The following VTI1A variants were observed in gnomAD, a reference collection of about 807,000 sequenced individuals.
The protein encoded by VTI1A is vesicle transport through interaction with t-SNAREs homolog 1A.
A neutral mutation model predicts 34.9 loss-of-function variants in VTI1A; 22 were observed. The ratio of observed to expected loss-of-function variants is 0.63; its 90% CI spans 0.45 to 0.90. The LOEUF (loss-of-function observed/expected upper bound fraction) is 0.90, where lower values mean the gene tolerates loss of function less well. Ranked by LOEUF, VTI1A falls within the 40% of genes least tolerant of loss-of-function variation. The pLI, the probability that VTI1A is intolerant of heterozygous loss-of-function variation, is 0.00. For synonymous variants in VTI1A, 87 were observed against 97.3 expected, an observed-to-expected ratio of 0.89 and a Z score of 0.62; for missense variants, 268 against 275.6, an observed-to-expected ratio of 0.97 and a Z score of 0.20.
chr10:112,708,714 C>T (rs1313971231), intron 7 of VTI1A, among the ~76,000 whole-genome samples: 2 of 152,212 alleles, frequency 1.3e-5, no homozygotes, highest in African/African-American at 4.8e-5. Context: ...AATATTTCAC[C>T]ATTCAGCAGT....
At chr10:112,792,585 C>T (rs1272311760) in intron 7 of VTI1A, among the ~76,000 whole-genome samples, 1 of 152,118 alleles carries the variant, frequency 6.6e-6, no homozygotes, top group East Asian at 1.9e-4. Context: ...AGTGATTCTC[C>T]TTTATGAAAA....
At chr10:112,753,387 T>G (rs985861166) in intron 7 of VTI1A, among the ~76,000 whole-genome samples, 9 of 152,062 alleles carry the variant, frequency 5.9e-5, no homozygotes, top group African/African-American at 1.9e-4. Context: ...TTATTTTTTG[T>G]TTTTTTCCCA....
chr10:112,533,544 T>C (rs1427463588), intron 4 of VTI1A: 7 of 1,012,788 alleles, frequency 6.9e-6, no homozygotes, highest in Non-Finnish European at 8.3e-6. Flanking sequence ...TAAAATTACG[T>C]GAAGAGGTGA....
intron 7 of VTI1A, among the ~76,000 whole-genome samples, chr10:112,754,393 A>G (rs925685371): frequency 2.0e-5 from 3 of 152,196 alleles, no homozygotes; most frequent in African/African-American, 4.8e-5. Context: ...TGTAGAATCC[A>G]GGAATGTGCC....
intron 3 of VTI1A, among the ~76,000 whole-genome samples, chr10:112,466,768 G>T (rs183278476): frequency 6.6e-6 from 1 of 152,108 alleles, no homozygotes; most frequent in Non-Finnish European, 1.5e-5. Flanking sequence ...CTAGGGCTGT[G>T]ACAACAAAGT....
chr10:112,745,706 G>A (rs7918405), intron 7 of VTI1A, among the ~76,000 whole-genome samples: 60,245 of 152,108 alleles, frequency 0.4, 15,418 homozygotes, highest in African/African-American at 0.73. Context: ...TAGAAAGTCA[G>A]TCGTCCTAAC....
chr10:112,462,683 T>A (rs2134046855), intron 2 of VTI1A, among the ~76,000 whole-genome samples: 1 of 152,288 alleles, frequency 6.6e-6, no homozygotes, highest in East Asian at 1.9e-4. Context: ...TATAATAAAT[T>A]GAAGCCTATT....
At chr10:112,640,791 G>A (rs1226096528) in intron 5 of VTI1A, among the ~76,000 whole-genome samples, 1 of 152,166 alleles carries the variant, frequency 6.6e-6, no homozygotes, top group African/African-American at 2.4e-5. Context: ...AAGTGAATCA[G>A]TATTCTTTTG....
At chr10:112,661,921 A>G (rs1339842616) in intron 5 of VTI1A, among the ~76,000 whole-genome samples, 1 of 151,732 alleles carries the variant, frequency 6.6e-6, no homozygotes, top group Non-Finnish European at 1.5e-5. Context: ...TACAGCACCC[A>G]CTACCACACC....
At chr10:112,695,577 T>TAAAA (rs1848755292) in intron 7 of VTI1A, among the ~76,000 whole-genome samples, 1 of 152,230 alleles carries the variant, frequency 6.6e-6, no homozygotes, top group Non-Finnish European at 1.5e-5. Flanking sequence ...TATTTGCTTT[T>TAAAA]GCAAATATGG....
In VTI1A at chr10:112,537,554, T is replaced by C. The variant is rs191314880; in HGVS notation, c.343-692T>C. ...GAGGTATATATAATTACTGTAAATT[T>C]AGTTCACAGTCTAAAGCACTGTGTG... On this transcript the variant is annotated intron_variant, in intron 4 of 7. Transcript: ENST00000393077. Among the ~76,000 whole-genome samples, 4 of 151,996 alleles carry C rather than the reference T, an allele frequency of 2.6e-5. 1 individual carries two copies. In the East Asian group the frequency reaches 5.8e-4, roughly 22 times the overall value.
Position 112,817,444 on chromosome 10 carries a change from T to G in VTI1A, c.*2061T>G. On this transcript the variant is annotated 3_prime_UTR_variant, in exon 8 of 8. Transcript: ENST00000393077. ...ATTGCTCACCTCTCAATAGCTTTTT[T>G]CGTTCAAGTTCTATGTCTTTATCAG... 1 of 231,342 alleles carries G rather than the reference T, an allele frequency of 4.3e-6. No homozygotes were observed. The highest frequency in any genetic ancestry group is 5.6e-5 in the Admixed American group (1 of 17,734). The allele number at this position is 231,342 out of a possible 1,614,324, so 14.3% of individuals were successfully genotyped here.
rs116351195 is a variant in VTI1A at position 112,739,368 on chromosome 10, G to C, written c.560+70370G>C. Among the ~76,000 whole-genome samples, 771 of 152,208 alleles carry C rather than the reference G, an allele frequency of 5.1e-3. 14 individuals carry two copies. Among genetic ancestry groups the C allele is most frequent in the African/African-American group, 0.018 (740 of 41,528 alleles). On this transcript the variant is annotated intron_variant, in intron 7 of 7. Transcript: ENST00000393077. ...ATTTTCCCCAGTCTATCATGCCTTAGACAGATACTGTTGAATTTTGTCAGT... is the reference window on the plus strand; with the variant it reads ...ATTTTCCCCAGTCTATCATGCCTTACACAGATACTGTTGAATTTTGTCAGT...
chr10:112,796,043 T>C (rs144146811), intron 7 of VTI1A, among the ~76,000 whole-genome samples: 1 of 152,204 alleles, frequency 6.6e-6, no homozygotes, highest in Non-Finnish European at 1.5e-5. Flanking sequence ...GTTCTGATTA[T>C]AAAAGAGGTG....
At chr10:112,524,270 T>A (rs200163078) in intron 3 of VTI1A, among the ~76,000 whole-genome samples, 8 of 152,138 alleles carry the variant, frequency 5.3e-5, no homozygotes, top group African/African-American at 1.7e-4. Flanking sequence ...TAGTTTTTTT[T>A]AATAGTCTTG....
rs553947206 is a variant in VTI1A, at chr10:112,797,706, T to G, written c.561-17584T>G. On this transcript the variant is annotated intron_variant, in intron 7 of 7. Transcript: ENST00000393077. ...CTGTGATGACGTGAGGATTTTTTGTTTGTTTGTTTTCTCACCTTTTTAGTG... is the reference window on the plus strand; with the variant it reads ...CTGTGATGACGTGAGGATTTTTTGTGTGTTTGTTTTCTCACCTTTTTAGTG... Among the ~76,000 whole-genome samples, 52 of 152,116 alleles carry G rather than the reference T, an allele frequency of 3.4e-4. 1 individual carries two copies. The highest frequency in any genetic ancestry group is 1.2e-3 in the African/African-American group (50 of 41,520).
At chr10:112,704,823 C>A (rs1019187270) in intron 7 of VTI1A, among the ~76,000 whole-genome samples, 1 of 151,714 alleles carries the variant, frequency 6.6e-6, no homozygotes, top group Non-Finnish European at 1.5e-5. Flanking sequence ...AGTAGGGATA[C>A]AAAGATGATG....
intron 3 of VTI1A, among the ~76,000 whole-genome samples, chr10:112,483,555 A>G (rs1423398015): frequency 6.6e-6 from 1 of 152,142 alleles, no homozygotes; most frequent in East Asian, 1.9e-4. Context: ...CCTCAGCACT[A>G]TTGAAATTTG....
At chr10:112,689,813 G>A (rs1779417429) in intron 7 of VTI1A, among the ~76,000 whole-genome samples, 1 of 151,832 alleles carries the variant, frequency 6.6e-6, no homozygotes, top group Non-Finnish European at 1.5e-5. Context: ...AGAGTTGGAT[G>A]TTTGTTGGTA....
Sources: allele counts gnomAD v4.1 joint callset (sites outside exome capture counted in the v4.1 genomes callset), GRCh38; gene constraint gnomAD v4.1.1; transcripts MANE v1.5; gene names NCBI Gene and HGNC (gene_info 2026-07-23, HGNC 2026-07-21).